Variants in SEMA3A observed in about 807,000 individuals in gnomAD.
The protein encoded by SEMA3A is semaphorin 3A.
In SEMA3A, 29 loss-of-function variants were observed where a neutral mutation model predicts 97.9. The observed-to-expected ratio is 0.30, with a 90% CI of 0.22 to 0.40. The LOEUF is 0.40. Among genes scored for constraint, SEMA3A ranks in the 10% least tolerant of loss-of-function variants. SEMA3A has a pLI of 1.00. For synonymous variants in SEMA3A, 321 were observed against 323.7 expected (o/e 0.99, Z 0.09); for missense variants, 763 against 951.3 (o/e 0.80, Z 2.60).
At chr7:84,091,192 GAAAGAAAGAAAGAAAGAAAGAAAAGA>G (rs1312183675) in intron 4 of SEMA3A, among the ~76,000 whole-genome samples, 847 of 68,174 alleles carry the variant, frequency 0.012, 13 homozygotes, top group East Asian at 0.046. Context: ...AAGAAAGAAA[GAAAGAAAGAAAGAAAGAAAGAAAAGA>G]AAAGAAAGAA....
At chr7:84,368,937 A>G (rs995781579) in intron 2 of SEMA3A, among the ~76,000 whole-genome samples, 2 of 151,054 alleles carry the variant, frequency 1.3e-5, no homozygotes, top group African/African-American at 4.8e-5. Flanking sequence ...TTTTATATCA[A>G]TCATGAATCT....
chr7:84,251,557 T>A (rs1047970410), intron 3 of SEMA3A, among the ~76,000 whole-genome samples: 28 of 152,226 alleles, frequency 1.8e-4, no homozygotes, highest in Admixed American at 1.8e-3. Context: ...GAAAACTATA[T>A]TCCTTTATAT....
At chr7:84,248,265 G>A (rs932637546) in intron 3 of SEMA3A, among the ~76,000 whole-genome samples, 5 of 152,116 alleles carry the variant, frequency 3.3e-5, no homozygotes, top group Non-Finnish European at 5.9e-5. Flanking sequence ...CTTTAAAGTG[G>A]CTGTTAATAA....
intron 3 of SEMA3A, among the ~76,000 whole-genome samples, chr7:84,205,986 C>T (rs1798483158): frequency 6.6e-6 from 1 of 152,012 alleles, no homozygotes; most frequent in Admixed American, 6.6e-5. Context: ...AACTAGAGTG[C>T]CAGGATGAAA....
intron 2 of SEMA3A, among the ~76,000 whole-genome samples, chr7:84,314,540 T>C (rs1801446138): frequency 1.3e-5 from 2 of 152,150 alleles, no homozygotes; most frequent in African/African-American, 4.8e-5. Context: ...CATTTTAGAA[T>C]GATGGTGCAG....
chr7:84,436,127 T>C (rs1447192050), intron 1 of SEMA3A, among the ~76,000 whole-genome samples: 1 of 152,176 alleles, frequency 6.6e-6, no homozygotes, highest in East Asian at 1.9e-4. Context: ...TGGCTAGCTA[T>C]ATGCAGAATA....
rs182421503 is a variant in SEMA3A at position 84,328,547 on chromosome 7, T to C, written c.-168-21255A>G. On this transcript the variant is annotated intron_variant, in intron 2 of 3. Coordinates refer to the SEMA3A transcript ENST00000424555. ...TGTTGCTTGTAATGCATAAAATATT[T>C]GAAAGCTTCTCTTTTGATGAGATAG... Among the ~76,000 whole-genome samples the C allele has an allele frequency of 8.5e-4, 129 of 152,158 alleles. 1 individual carries two copies. The highest frequency in any genetic ancestry group is 3.0e-3 in the African/African-American group (124 of 41,580).
At chr7:84,350,468 T>A (rs1433861556) in intron 2 of SEMA3A, among the ~76,000 whole-genome samples, 21 of 152,188 alleles carry the variant, frequency 1.4e-4, no homozygotes, top group Admixed American at 1.3e-3. Context: ...TAAAACTGAT[T>A]TATTTATACA....
intron 3 of SEMA3A, among the ~76,000 whole-genome samples, chr7:84,299,313 T>TATATATATATCTCC (rs762147967): frequency 1.5e-5 from 2 of 135,446 alleles, no homozygotes; most frequent in Non-Finnish European, 3.3e-5. Context: ...TATCTCCATA[T>TATATATATATCTCC]ATATATATAT....
intron 1 of SEMA3A, among the ~76,000 whole-genome samples, chr7:84,151,095 A>G (rs1248714375): frequency 6.7e-6 from 1 of 149,620 alleles, no homozygotes; most frequent in Non-Finnish European, 1.5e-5. Flanking sequence ...TCTGTACATC[A>G]CCATCATCAA....
chr7:84,258,027 A>G (rs1799756755), intron 3 of SEMA3A, among the ~76,000 whole-genome samples: 1 of 152,198 alleles, frequency 6.6e-6, no homozygotes, highest in Non-Finnish European at 1.5e-5. Flanking sequence ...ACAAGACCGA[A>G]CAATGTCTCA....
chr7:83,963,719 T>C (rs1788569466), intron 15 of SEMA3A, among the ~76,000 whole-genome samples: 1 of 152,186 alleles, frequency 6.6e-6, no homozygotes, highest in Non-Finnish European at 1.5e-5. Context: ...CAGTTTGTAT[T>C]ATATTATTCT....
At chr7:84,402,247 A>G (rs994959250) in intron 1 of SEMA3A, among the ~76,000 whole-genome samples, 1 of 152,190 alleles carries the variant, frequency 6.6e-6, no homozygotes, top group Admixed American at 6.5e-5. Context: ...ATATGGAAAA[A>G]TGCTCAACAT....
chr7:83,989,901 C>G (rs1392393959), intron 12 of SEMA3A, among the ~76,000 whole-genome samples: 1 of 150,782 alleles, frequency 6.6e-6, no homozygotes, highest in Non-Finnish European at 1.5e-5. Context: ...ACACTGACTT[C>G]CACAATGGTA....
chr7:84,202,812 T>A (rs1160323292), intron 3 of SEMA3A, among the ~76,000 whole-genome samples: 1 of 152,172 alleles, frequency 6.6e-6, no homozygotes, highest in Non-Finnish European at 1.5e-5. Context: ...ATATTCCTAG[T>A]CATGAATGTC....
At chr7:84,358,447 C>A (rs1464967635) in intron 2 of SEMA3A, among the ~76,000 whole-genome samples, 2 of 151,878 alleles carry the variant, frequency 1.3e-5, no homozygotes, top group African/African-American at 2.4e-5. Flanking sequence ...AGATAGTTGT[C>A]AATGTGTGGT....
intron 2 of SEMA3A, among the ~76,000 whole-genome samples, chr7:84,359,320 C>T (rs927004726): frequency 1.4e-4 from 21 of 151,806 alleles, no homozygotes; most frequent in Non-Finnish European, 2.5e-4. Flanking sequence ...CCCATCAATA[C>T]CTAATTTATT....
chr7:84,130,077 G>A (rs1176974815), intron 2 of SEMA3A, among the ~76,000 whole-genome samples: 2 of 151,742 alleles, frequency 1.3e-5, no homozygotes, highest in African/African-American at 4.8e-5. Flanking sequence ...ATCTGTATAG[G>A]GGCAGAACAG....
chr7:84,382,829 G>A (rs1435753038), intron 1 of SEMA3A, among the ~76,000 whole-genome samples: 1 of 151,756 alleles, frequency 6.6e-6, no homozygotes, highest in Non-Finnish European at 1.5e-5. Context: ...AGTGAGCCGA[G>A]ATCATGCCAC....
Sources: gnomAD v4.1 joint callset for allele counts (sites outside exome capture counted in the v4.1 genomes callset) on GRCh38, gnomAD v4.1.1 for gene constraint, MANE v1.5 for transcripts, NCBI Gene and HGNC (gene_info 2026-07-23, HGNC 2026-07-21) for gene names.